PRELID2: variants seen among roughly 807,000 people sequenced by gnomAD.
PRELID2 encodes PRELI domain-containing protein 2.
Under a neutral mutation model 28.4 loss-of-function variants are expected in PRELID2, and 25 were observed. That is an observed-to-expected ratio of 0.88 (90% CI 0.64 to 1.23). PRELID2 has a LOEUF of 1.23. PRELID2 is among the 50% of genes most tolerant of loss of function. PRELID2 has a pLI of 0.00. For missense variants in PRELID2, 201 were observed against 214.4 expected (o/e 0.94, Z 0.39); for synonymous variants, 76 against 71.6 (o/e 1.06, Z -0.31).
intron 1 of PRELID2, among the ~76,000 whole-genome samples, chr5:145,679,348 C>T (rs191263069): frequency 2.0e-5 from 3 of 152,200 alleles, no homozygotes; most frequent in Non-Finnish European, 4.4e-5. Flanking sequence ...GTCTCTGAAA[C>T]TCAAAAGTTG....
At chr5:145,630,562 T>C (rs1055798556) in intron 1 of PRELID2, among the ~76,000 whole-genome samples, 4 of 152,212 alleles carry the variant, frequency 2.6e-5, no homozygotes, top group African/African-American at 9.7e-5. Flanking sequence ...GTCTTTTCTT[T>C]CCTTAAAACG....
the PRELID2 span, among the ~76,000 whole-genome samples, chr5:145,347,783 T>C: frequency 1.3e-5 from 2 of 152,094 alleles, no homozygotes; most frequent in Non-Finnish European, 2.9e-5. Flanking sequence ...AAGATGTTAA[T>C]AATAGGGGTA....
chr5:145,334,543 A>G, the PRELID2 span, among the ~76,000 whole-genome samples: 1 of 152,158 alleles, frequency 6.6e-6, no homozygotes, highest in Non-Finnish European at 1.5e-5. Context: ...TATCCTGATG[A>G]TTATTCTGAG....
At chr5:145,709,865 T>C (rs1021422176) in intron 1 of PRELID2, among the ~76,000 whole-genome samples, 3 of 152,200 alleles carry the variant, frequency 2.0e-5, no homozygotes, top group Non-Finnish European at 4.4e-5. Flanking sequence ...TCGGAGGAAT[T>C]GAATGTGATC....
the PRELID2 span, among the ~76,000 whole-genome samples, chr5:145,379,818 A>G: frequency 3.9e-5 from 6 of 152,226 alleles, no homozygotes; most frequent in African/African-American, 1.4e-4. Flanking sequence ...TGTTTTATGA[A>G]GCAGAAGCTA....
intron 1 of PRELID2, among the ~76,000 whole-genome samples, chr5:145,537,751 T>C (rs1456780500): frequency 6.6e-6 from 1 of 151,918 alleles, no homozygotes; most frequent in Non-Finnish European, 1.5e-5. Context: ...CCTAGTTAGA[T>C]GTATAGTTTG....
chr5:145,308,925 C>A, the PRELID2 span, among the ~76,000 whole-genome samples: 2 of 152,040 alleles, frequency 1.3e-5, no homozygotes, highest in African/African-American at 4.8e-5. Flanking sequence ...TGCTGTATTC[C>A]TTGGCCTCAC....
At chr5:145,409,736 A>C in the PRELID2 span, among the ~76,000 whole-genome samples, 1 of 145,598 alleles carries the variant, frequency 6.9e-6, no homozygotes, top group Admixed American at 7.0e-5. Flanking sequence ...ACAAGGTGAA[A>C]CCCCATCTCT....
At chr5:145,262,320 C>T in the PRELID2 span, among the ~76,000 whole-genome samples, 1 of 151,902 alleles carries the variant, frequency 6.6e-6, no homozygotes, top group African/African-American at 2.4e-5. Flanking sequence ...CATCCAAATA[C>T]AAGAAGCTCA....
At chr5:145,334,619 C>A in the PRELID2 span, among the ~76,000 whole-genome samples, 2 of 152,150 alleles carry the variant, frequency 1.3e-5, no homozygotes, top group Non-Finnish European at 2.9e-5. Context: ...TAATTAGCAT[C>A]TTTTATTATA....
chr5:145,345,248 G>A, the PRELID2 span, among the ~76,000 whole-genome samples: 1 of 151,878 alleles, frequency 6.6e-6, no homozygotes, highest in Non-Finnish European at 1.5e-5. Context: ...CTAAGCCCTG[G>A]AGACATAAAG....
intron 4 of PRELID2, among the ~76,000 whole-genome samples, chr5:145,802,913 A>G (rs988112067): frequency 2.4e-4 from 37 of 152,228 alleles, no homozygotes; most frequent in African/African-American, 8.9e-4. Flanking sequence ...CGCAGTCACC[A>G]GTGCTGAATC....
chr5:145,337,733 TCAC>T, the PRELID2 span, among the ~76,000 whole-genome samples: 16 of 96,070 alleles, frequency 1.7e-4, no homozygotes, highest in South Asian at 3.6e-4. Flanking sequence ...ATATATATAC[TCAC>T]ACACACACAC....
chr5:145,650,560 A>G (rs1239635163), intron 1 of PRELID2, among the ~76,000 whole-genome samples: 1 of 139,580 alleles, frequency 7.2e-6, no homozygotes, highest in Non-Finnish European at 1.6e-5. Context: ...ATATATATAT[A>G]TATATATATA....
chr5:145,714,143 C>T (rs1247113439), intron 1 of PRELID2, among the ~76,000 whole-genome samples: 1 of 152,192 alleles, frequency 6.6e-6, no homozygotes, highest in Admixed American at 6.5e-5. Context: ...AGCAAGATGT[C>T]CTCAGGAAGA....
chr5:145,400,418 G>A, the PRELID2 span, among the ~76,000 whole-genome samples: 2 of 152,066 alleles, frequency 1.3e-5, no homozygotes, highest in South Asian at 4.2e-4. Flanking sequence ...ATCCTCTCCT[G>A]TTGCTGTTGG....
chr5:145,600,150 A>G (rs1359831315), intron 1 of PRELID2, among the ~76,000 whole-genome samples: 1 of 152,166 alleles, frequency 6.6e-6, no homozygotes, highest in Non-Finnish European at 1.5e-5. Context: ...AAAAGCTAAC[A>G]AAGTTAACAT....
At chr5:145,337,686 A>AAC in the PRELID2 span, among the ~76,000 whole-genome samples, 4 of 79,876 alleles carry the variant, frequency 5.0e-5, no homozygotes, top group African/African-American at 2.0e-4. Context: ...GCATAGGGCA[A>AAC]ATATATATAT....
chr5:145,296,617 G>A, the PRELID2 span, among the ~76,000 whole-genome samples: 1 of 152,260 alleles, frequency 6.6e-6, no homozygotes, highest in East Asian at 1.9e-4. Context: ...TTGGCTCCAA[G>A]TCTTTGCCAT....
Sources: allele counts gnomAD v4.1 joint callset (sites outside exome capture counted in the v4.1 genomes callset), GRCh38; gene constraint gnomAD v4.1.1; transcripts MANE v1.5; gene names NCBI Gene and HGNC (gene_info 2026-07-23, HGNC 2026-07-21).